Variants in EPB41L2 observed in about 807,000 individuals in gnomAD.
EPB41L2 encodes band 4.1-like protein 2.
Under a neutral mutation model 113.0 loss-of-function variants are expected in EPB41L2, and 43 were observed. The observed-to-expected ratio is 0.38, with a 90% CI of 0.30 to 0.49. The LOEUF is 0.49. Among genes scored for constraint, EPB41L2 ranks in the 20% least tolerant of loss-of-function variants. The pLI, the probability that EPB41L2 is intolerant of heterozygous loss-of-function variation, is 0.95. For missense variants in EPB41L2, 1,147 were observed against 1,223.4 expected (o/e 0.94, Z 0.93); for synonymous variants, 442 against 436.7 (o/e 1.01, Z -0.15).
intron 18 of EPB41L2, among the ~76,000 whole-genome samples, chr6:130,859,925 T>A (rs1781494053): frequency 6.6e-6 from 1 of 152,050 alleles, no homozygotes; most frequent in African/African-American, 2.4e-5. Flanking sequence ...GTAGCAGAAG[T>A]GTTTGTCAAG....
intron 1 of EPB41L2, among the ~76,000 whole-genome samples, chr6:130,991,788 T>C (rs942181863): frequency 2.6e-5 from 4 of 152,234 alleles, no homozygotes; most frequent in Non-Finnish European, 5.9e-5. Flanking sequence ...ATGTTGTCTT[T>C]GCTTTATTCC....
At chr6:131,044,382 T>C (rs79994633) in intron 1 of EPB41L2, among the ~76,000 whole-genome samples, 4,314 of 152,230 alleles carry the variant, frequency 0.028, 190 homozygotes, top group African/African-American at 0.097. Context: ...AGTAAGTTAA[T>C]AATGGAAATA....
intron 1 of EPB41L2, among the ~76,000 whole-genome samples, chr6:130,959,205 A>C (rs918956131): frequency 2.0e-4 from 31 of 152,184 alleles, no homozygotes; most frequent in African/African-American, 7.5e-4. Context: ...GAAATGGGGA[A>C]CACCTGTAAA....
chr6:130,865,299 A>C (rs1783374370), intron 17 of EPB41L2, among the ~76,000 whole-genome samples: 1 of 152,244 alleles, frequency 6.6e-6, no homozygotes, highest in African/African-American at 2.4e-5. Context: ...TAGCTATCTT[A>C]CATATAGCTA....
intron 3 of EPB41L2, among the ~76,000 whole-genome samples, chr6:130,939,996 G>GCA (rs60870744): frequency 0.043 from 6,490 of 152,270 alleles, 419 homozygotes; most frequent in African/African-American, 0.14. Context: ...GTGTACATAT[G>GCA]CACACGTGAT....
intron 1 of EPB41L2, among the ~76,000 whole-genome samples, chr6:131,023,864 C>A (rs913512321): frequency 2.6e-5 from 4 of 151,486 alleles, no homozygotes; most frequent in Non-Finnish European, 2.9e-5. Flanking sequence ...AATAAATAAA[C>A]CTTTTTTAAA....
At chr6:130,908,931 C>A in intron 4 of EPB41L2, 68 bp from the exon 5 acceptor site, 1 of 1,246,684 alleles carries the variant, frequency 8.0e-7, no homozygotes, top group South Asian at 1.4e-5. Flanking sequence ...GTTTACAGTT[C>A]ACATAATTAT....
At chr6:131,035,853 T>A (rs1388399988) in intron 1 of EPB41L2, among the ~76,000 whole-genome samples, 1 of 152,206 alleles carries the variant, frequency 6.6e-6, no homozygotes, top group Non-Finnish European at 1.5e-5. Flanking sequence ...CACTGCTAAT[T>A]ATTACTACAA....
intron 1 of EPB41L2, among the ~76,000 whole-genome samples, chr6:130,957,560 T>G (rs1312068456): frequency 1.3e-5 from 2 of 151,672 alleles, no homozygotes; most frequent in African/African-American, 4.8e-5. Flanking sequence ...CTTGGGAGTC[T>G]GAGACAAGAA....
intron 6 of EPB41L2, among the ~76,000 whole-genome samples, chr6:130,901,754 T>C (rs1043359561): frequency 6.6e-6 from 1 of 152,204 alleles, no homozygotes; most frequent in African/African-American, 2.4e-5. Flanking sequence ...CCTGACTCTA[T>C]ATGACCTTGA....
Position 130,956,360 on chromosome 6 carries a change from C to A in EPB41L2, c.126G>T (p.Glu42Asp), listed in dbSNP as rs139634261. 1.2e-6 allele frequency: 2 copies of A among 1,614,156 alleles called. No homozygotes were observed. Among genetic ancestry groups the A allele is most frequent in the Non-Finnish European group, 8.5e-7 (1 of 1,180,034 alleles). The stretch of plus-strand genomic sequence containing the variant: ...GAGGTGGCTGGGAACCTTTTTCCTC[C>A]TCTGGATCGGAAGACTGATTCTGCT... ...ENQQNQSSDP[E>D]EEKGSQPPPA... The change falls in exon 2 of 20, where the codon GAG becomes GAT. Residue 42 changes from glutamate to aspartate, a missense_variant. Glu to Asp is a conservative substitution (Grantham distance 45, BLOSUM62 2). Coordinates refer to ENST00000337057, the MANE Select transcript of EPB41L2 (RefSeq NM_001431.4).
At position 130,885,250 on chromosome 6, in the gene EPB41L2, T is replaced by C; in HGVS notation, c.1679A>G (p.Asp560Gly). Residue 560 changes from aspartate to glycine, a missense_variant, in exon 12 of 20, where the codon GAC (aspartate) becomes GGC (glycine). Physicochemically the swap from Asp to Gly is moderately conservative, Grantham distance 94. Coordinates refer to ENST00000337057, the MANE Select transcript of EPB41L2 (RefSeq NM_001431.4). The part of the protein sequence containing the change: ...SLDGAPIGVM[D>G]QSLMKDFPGA... ...AGGAAAATCCTTCATAAGACTTTGG[T>C]CCATGACACCAATCGGAGCTAGTAA... is the stretch of plus-strand genomic sequence containing the variant. 2.5e-6 allele frequency: 4 copies of C among 1,614,062 alleles called. No individual in the cohort carries two copies. Among genetic ancestry groups the C allele is most frequent in the Non-Finnish European group, 3.4e-6 (4 of 1,179,994 alleles).
chr6:130,860,940 G>A (rs1422969151), intron 18 of EPB41L2, among the ~76,000 whole-genome samples: 1 of 152,214 alleles, frequency 6.6e-6, no homozygotes, highest in Non-Finnish European at 1.5e-5. Flanking sequence ...ATCATGACCA[G>A]CACAGGGTGA....
chr6:130,889,187 G>A (rs1791994976), intron 11 of EPB41L2, among the ~76,000 whole-genome samples: 1 of 151,430 alleles, frequency 6.6e-6, no homozygotes. Flanking sequence ...ATATATTTTA[G>A]TTCAATCAAC....
chr6:130,857,082 T>C (rs894324733), intron 19 of EPB41L2, among the ~76,000 whole-genome samples: 1 of 152,216 alleles, frequency 6.6e-6, no homozygotes, highest in Non-Finnish European at 1.5e-5. Context: ...AGTTTAATGG[T>C]AGACATGTTT....
chr6:130,952,262 G>T (rs986260137), intron 3 of EPB41L2, among the ~76,000 whole-genome samples: 2 of 151,712 alleles, frequency 1.3e-5, no homozygotes, highest in Admixed American at 1.3e-4. Flanking sequence ...AACTGAAGAA[G>T]TAAAACTGGA....
chr6:130,904,382 G>C, intron 6 of EPB41L2, 83 bp downstream of exon 6: 2 of 920,872 alleles, frequency 2.2e-6, no homozygotes, highest in Non-Finnish European at 3.2e-6. Flanking sequence ...TTTCAATCCT[G>C]AAATTACCAC....
At chr6:130,922,053 T>C (rs1322987248) in intron 4 of EPB41L2, among the ~76,000 whole-genome samples, 1 of 152,236 alleles carries the variant, frequency 6.6e-6, no homozygotes, top group South Asian at 2.1e-4. Context: ...TGCATTTCTA[T>C]GTGTGTGTGC....
At chr6:130,976,111 T>G (rs1265925095) in intron 1 of EPB41L2, among the ~76,000 whole-genome samples, 2 of 152,334 alleles carry the variant, frequency 1.3e-5, no homozygotes, top group East Asian at 3.9e-4. Flanking sequence ...CCAATCGTCA[T>G]GCAAGATTAC....
Sources: gnomAD v4.1 joint callset for allele counts (sites outside exome capture counted in the v4.1 genomes callset) on GRCh38, gnomAD v4.1.1 for gene constraint, MANE v1.5 for transcripts, NCBI Gene and HGNC (gene_info 2026-07-23, HGNC 2026-07-21) for gene names.